GABRA4: variants seen among roughly 807,000 people sequenced by gnomAD.
GABRA4 encodes gamma-aminobutyric acid type A receptor subunit alpha4.
GABRA4 carries 12 observed loss-of-function variants against 49.7 expected under a neutral mutation model. That is an observed-to-expected ratio of 0.24 (90% confidence interval 0.15 to 0.39). The LOEUF is 0.39. Ranked by LOEUF, GABRA4 falls within the 10% of genes least tolerant of loss-of-function variation. The probability of loss-of-function intolerance (pLI) is 1.00; values close to 1 mark genes in which losing one functional copy is unlikely to be tolerated. For missense variants in GABRA4, 506 were observed against 686.0 expected (o/e 0.74, Z 2.93); for synonymous variants, 288 against 240.2 (o/e 1.20, Z -1.84).
intron 2 of GABRA4, among the ~76,000 whole-genome samples, chr4:46,983,096 T>A (rs1385403105): frequency 1.3e-5 from 2 of 152,078 alleles, no homozygotes; most frequent in Non-Finnish European, 2.9e-5. Flanking sequence ...ATCTGGAAAC[T>A]GAGTTCACAG....
intron 2 of GABRA4, among the ~76,000 whole-genome samples, chr4:46,986,566 T>C (rs1038447084): frequency 2.6e-5 from 4 of 152,090 alleles, no homozygotes; most frequent in African/African-American, 9.7e-5. Flanking sequence ...CCTCCTAACA[T>C]TGGAGACATC....
intron 2 of GABRA4, among the ~76,000 whole-genome samples, chr4:46,980,272 T>C (rs1229461481): frequency 4.6e-5 from 7 of 151,386 alleles, no homozygotes; most frequent in Non-Finnish European, 1.0e-4. Context: ...TAGTACTGTA[T>C]AGCCAGAGGC....
At chr4:46,968,151 T>A (rs1218478135) in intron 7 of GABRA4, among the ~76,000 whole-genome samples, 1 of 151,594 alleles carries the variant, frequency 6.6e-6, no homozygotes, top group East Asian at 1.9e-4. Flanking sequence ...CCAGAATTAA[T>A]ATTTACCTAA....
At chr4:46,988,856 A>T (rs1408213084) in intron 2 of GABRA4, among the ~76,000 whole-genome samples, 1 of 152,208 alleles carries the variant, frequency 6.6e-6, no homozygotes, top group Admixed American at 6.5e-5. Flanking sequence ...TTTAAAGATG[A>T]GGGTGTGTGT....
chr4:46,970,373 A>G (rs1722908251), intron 7 of GABRA4, among the ~76,000 whole-genome samples: 1 of 151,560 alleles, frequency 6.6e-6, no homozygotes, highest in Admixed American at 6.6e-5. Flanking sequence ...ACAGAAAAAG[A>G]ATAGAGAAAG....
intron 8 of GABRA4, among the ~76,000 whole-genome samples, chr4:46,946,946 C>T (rs753890657): frequency 8.6e-5 from 13 of 151,942 alleles, no homozygotes; most frequent in Non-Finnish European, 1.8e-4. Context: ...CTAGTTATGC[C>T]GTGGAAGCCT....
intron 8 of GABRA4, among the ~76,000 whole-genome samples, chr4:46,964,755 C>T (rs983130779): frequency 1.3e-5 from 2 of 151,774 alleles, no homozygotes; most frequent in African/African-American, 2.4e-5. Flanking sequence ...CAATTAGCTT[C>T]GCCTACATCT....
intron 7 of GABRA4, among the ~76,000 whole-genome samples, chr4:46,969,325 A>C (rs1722871330): frequency 6.6e-6 from 1 of 151,546 alleles, no homozygotes; most frequent in Non-Finnish European, 1.5e-5. Flanking sequence ...TTTTCCTTTA[A>C]ATTTTTAATG....
At position 46,925,461 on chromosome 4, in the gene GABRA4, G is replaced by C. The variant is rs1219834907; in HGVS notation, c.*2764C>G. The C allele has an allele frequency of 6.6e-6, 1 of 151,700 alleles. No individual in the cohort carries two copies. Among genetic ancestry groups the C allele is most frequent in the African/African-American group, 2.4e-5 (1 of 41,366 alleles). The allele number at this position is 151,700 out of a possible 1,614,324, so 9.4% of individuals were successfully genotyped here. A position where few individuals can be genotyped will look rare whatever the true frequency, so the allele number is the denominator to read the frequency against. ...ACTAGGTCCTGAATAAAATTATTCTGAATTTCATCTTTAAAAGAGTTATAT... is the reference window on the plus strand; with the variant it reads ...ACTAGGTCCTGAATAAAATTATTCTCAATTTCATCTTTAAAAGAGTTATAT... On this transcript the variant is annotated 3_prime_UTR_variant, in exon 9 of 9. Coordinates refer to ENST00000264318, the MANE Select transcript of GABRA4 (RefSeq NM_000809.4).
intron 5 of GABRA4, among the ~76,000 whole-genome samples, chr4:46,976,515 C>T (rs1394692434): frequency 6.6e-6 from 1 of 151,574 alleles, no homozygotes; most frequent in Admixed American, 6.6e-5. Flanking sequence ...AGACCACACC[C>T]CTACCATGCT....
chr4:46,964,874 A>G (rs143898417), intron 8 of GABRA4, 96 bp downstream of exon 8: 2 of 1,268,396 alleles, frequency 1.6e-6, no homozygotes, highest in African/African-American at 3.0e-5. Context: ...TTACAAGTTG[A>G]TATCAGGATT....
chr4:46,993,068 A>T, intron 1 of GABRA4, 122 bp from the exon 2 acceptor site: 1 of 793,068 alleles, frequency 1.3e-6, no homozygotes. Context: ...AAAGGAGAGG[A>T]GGTTGGGGGT....
chr4:46,966,232 T>A (rs1722748160), intron 7 of GABRA4, among the ~76,000 whole-genome samples: 1 of 151,746 alleles, frequency 6.6e-6, no homozygotes, highest in African/African-American at 2.4e-5. Flanking sequence ...TTTAAACTGA[T>A]TCTATATAAT....
chr4:46,992,594 G>C, intron 2 of GABRA4: 1 of 531,752 alleles, frequency 1.9e-6, no homozygotes, highest in South Asian at 2.7e-5. Flanking sequence ...GTCAGGTCCC[G>C]GGAGGTAATT....
chr4:46,993,132 C>A (rs1335706105), intron 1 of GABRA4, among the ~76,000 whole-genome samples, 186 bp from the exon 2 acceptor site: 1 of 152,164 alleles, frequency 6.6e-6, no homozygotes, highest in Non-Finnish European at 1.5e-5. Context: ...CGCAAGACCC[C>A]CAGTGCCCAC....
chr4:46,930,836 C>G (rs6839457), intron 8 of GABRA4, among the ~76,000 whole-genome samples: 1 of 141,626 alleles, frequency 7.1e-6, no homozygotes, highest in African/African-American at 2.6e-5. Flanking sequence ...AAAACAAATG[C>G]AAAAAAAAAA....
intron 8 of GABRA4, among the ~76,000 whole-genome samples, chr4:46,941,149 T>C (rs773484673): frequency 8.6e-5 from 13 of 151,880 alleles, no homozygotes; most frequent in Non-Finnish European, 1.9e-4. Context: ...GGCCAGAAAC[T>C]AGAAGACCCA....
At chr4:46,961,077 C>T (rs1405132627) in intron 8 of GABRA4, among the ~76,000 whole-genome samples, 1 of 151,782 alleles carries the variant, frequency 6.6e-6, no homozygotes, top group African/African-American at 2.4e-5. Context: ...ACTTTCTAAA[C>T]TAATAAATAG....
At chr4:46,945,175 A>T (rs1277802006) in intron 8 of GABRA4, among the ~76,000 whole-genome samples, 1 of 152,152 alleles carries the variant, frequency 6.6e-6, no homozygotes, top group African/African-American at 2.4e-5. Context: ...GGGCCATGAT[A>T]GTAGTTAATG....
Sources: allele counts gnomAD v4.1 joint callset (sites outside exome capture counted in the v4.1 genomes callset), GRCh38; gene constraint gnomAD v4.1.1; transcripts MANE v1.5; gene names NCBI Gene and HGNC (gene_info 2026-07-23, HGNC 2026-07-21).